Variants in PCDHGA9 observed in about 807,000 individuals in gnomAD.
The protein encoded by PCDHGA9 is protocadherin gamma-A9.
PCDHGA9 carries 37 observed loss-of-function variants against 62.5 expected under a neutral mutation model. That is an observed-to-expected ratio of 0.59 (90% CI 0.46 to 0.78). The LOEUF is 0.78. PCDHGA9 is among the 30% of genes least tolerant of loss of function. The pLI, the probability that PCDHGA9 is intolerant of heterozygous loss-of-function variation, is 0.00. For synonymous variants in PCDHGA9, 459 were observed against 484.6 expected, an observed-to-expected ratio of 0.95 and a Z score of 0.69; for missense variants, 1,138 against 1,166.2, an observed-to-expected ratio of 0.98 and a Z score of 0.35.
At chr5:141,420,190 A>T in intron 1 of PCDHGA9, 3 of 1,613,922 alleles carry the variant, frequency 1.9e-6, no homozygotes, top group Non-Finnish European at 2.5e-6. Flanking sequence ...GTCCAGCCAC[A>T]CAAGATAACC....
At chr5:141,443,321 A>AC (rs1175439570) in intron 1 of PCDHGA9, among the ~76,000 whole-genome samples, 1 of 151,616 alleles carries the variant, frequency 6.6e-6, no homozygotes, top group African/African-American at 2.4e-5. Flanking sequence ...TCTCTACAAA[A>AC]AAAAAAAACA....
rs888836155 is a variant in PCDHGA9, at chr5:141,512,011, A to C, written c.*838A>C. The C allele has an allele frequency of 1.3e-5, 2 of 152,946 alleles. No homozygotes were observed. The highest frequency in any genetic ancestry group is 6.5e-5 in the Admixed American group (1 of 15,300). The allele number at this position is 152,946 out of a possible 1,614,324, so 9.5% of individuals were successfully genotyped here. ...GGCATGGACAAAGCTTGACACATCA[A>C]GTTATCAAGGCCTTGGAGGAGGCTC... On this transcript the variant is annotated 3_prime_UTR_variant, in exon 4 of 4. Coordinates refer to ENST00000573521, the MANE Select transcript of PCDHGA9 (RefSeq NM_018921.3).
At chr5:141,420,211 T>C (rs759486952) in intron 1 of PCDHGA9, 11 of 1,612,388 alleles carry the variant, frequency 6.8e-6, no homozygotes, top group African/African-American at 1.3e-5. Context: ...TCAACAAAGA[T>C]AGCATGCTAC....
rs776004958 is a variant in PCDHGA9 at position 141,410,344 on chromosome 5, C to T, written c.2424+4968C>T. 6 of 1,614,006 alleles carry T rather than the reference C, an allele frequency of 3.7e-6. No individual in the cohort carries two copies. In the South Asian group the frequency reaches 6.6e-5, roughly 18 times the overall value. On this transcript the variant is annotated intron_variant, in intron 1 of 3. Transcript: ENST00000573521. ...CCGTGATTCTGGCCATTGCCTTGCG[C>T]CTGCGACGCTCTCTCAGCCCTGCTA...
intron 1 of PCDHGA9, chr5:141,478,233 T>G: frequency 6.2e-7 from 1 of 1,614,126 alleles, no homozygotes. Context: ...GTGGGGTTTG[T>G]GGTCACAGTG....
Position 141,490,252 on chromosome 5 carries a change from G to A in PCDHGA9, c.2425-4555G>A, listed in dbSNP as rs150107963. The A allele has an allele frequency of 1.9e-6, 3 of 1,614,252 alleles. No homozygotes were observed. Among genetic ancestry groups the A allele is most frequent in the Non-Finnish European group, 1.7e-6 (2 of 1,180,046 alleles). The stretch of plus-strand genomic sequence containing the variant: ...CATGGAGGGCCACTGTGTGATTCAA[G>A]TGGATGTGGGGGATGTCAATGACAA... On this transcript the variant is annotated intron_variant, in intron 1 of 3. Coordinates refer to ENST00000573521, the MANE Select transcript of PCDHGA9 (RefSeq NM_018921.3). This position sits in a 1 kb window ranked among gnomAD's most constrained non-coding sequence, Gnocchi z 5.4.
At chr5:141,458,094 A>G (rs1036190372) in intron 1 of PCDHGA9, among the ~76,000 whole-genome samples, 3 of 152,260 alleles carry the variant, frequency 2.0e-5, no homozygotes, top group African/African-American at 7.2e-5. Context: ...AGTTAAGAGT[A>G]CTTACAGATA....
intron 3 of PCDHGA9, 126 bp downstream of exon 3, chr5:141,505,607 T>A: frequency 6.5e-7 from 1 of 1,528,684 alleles, no homozygotes. Flanking sequence ...TCGGCAGGTC[T>A]GAAAGGACCC....
At position 141,432,247 on chromosome 5, in the gene PCDHGA9, C is replaced by G. The variant is rs139910620; in HGVS notation, c.2424+26871C>G. 61 of 1,614,264 alleles carry G rather than the reference C, an allele frequency of 3.8e-5. No homozygotes were observed. The African/African-American group carries it at 6.3e-4, about 17-fold the overall frequency. On this transcript the variant is annotated intron_variant, in intron 1 of 3. Transcript: ENST00000573521. The surrounding 1 kb of genome is among the most constrained non-coding windows in gnomAD (Gnocchi z 6.0). ...CTTATTCCCTGGCTGAGAACACCAT[C>G]CAAGGGGCAAGCCTATCGTCCTACG...
chr5:141,421,443 GAC>G (rs771422215), intron 1 of PCDHGA9: 47 of 1,613,988 alleles, frequency 2.9e-5, no homozygotes, highest in Non-Finnish European at 3.6e-5. Context: ...CCAGAGGGAA[GAC>G]ACAGCTTTTC....
chr5:141,403,303 C>A lies in PCDHGA9; in HGVS notation c.351C>A (p.Tyr117Ter). Residue 117 changes from tyrosine to a stop codon, truncating the protein, a stop_gained, in exon 1 of 4, where the codon TAC (tyrosine) becomes TAA (stop). Transcript: ENST00000573521. LOFTEE classifies it high-confidence loss of function. Reference protein sequence around the residue: ...KVLVEDRVKLYGIEIEVTDIN... With the variant: ...KVLVEDRVKL ...TGGTTGAAGACAGAGTGAAACTGTA[C>A]GGAATAGAAATAGAAGTAACTGATA... 6.2e-7 allele frequency: 1 copy of A among 1,613,820 alleles called. No homozygotes were observed. The highest frequency in any genetic ancestry group is 1.3e-5 in the African/African-American group (1 of 75,050).
Position 141,489,245 on chromosome 5 carries a change from G to A in PCDHGA9, c.2425-5562G>A, listed in dbSNP as rs773391205. 3 of 1,536,634 alleles carry A rather than the reference G, an allele frequency of 2.0e-6. No homozygotes were observed. The South Asian group carries it at 3.9e-5, about 20-fold the overall frequency. On this transcript the variant is annotated intron_variant, in intron 1 of 3. Transcript: ENST00000573521. The surrounding 1 kb of genome is among the most constrained non-coding windows in gnomAD (Gnocchi z 4.5). The stretch of plus-strand genomic sequence containing the variant: ...CCACAAAGGGACTTCTGGGTCATGG[G>A]GCCCAAGACACTCCCACAGCTCGCT...
chr5:141,507,397 AC>A (rs1163501030), intron 3 of PCDHGA9: 1 of 152,144 alleles, frequency 6.6e-6, no homozygotes. Flanking sequence ...TGGCAACTCT[AC>A]CCCAGATGTC....
At chr5:141,500,729 C>T (rs1434863449) in intron 2 of PCDHGA9, among the ~76,000 whole-genome samples, 2 of 152,130 alleles carry the variant, frequency 1.3e-5, no homozygotes, top group Non-Finnish European at 2.9e-5. Flanking sequence ...CCATGTCTTT[C>T]AAAATTCTTC....
In PCDHGA9 at chr5:141,491,715, G is replaced by A. The variant is rs1333909488; in HGVS notation, c.2425-3092G>A. 1 of 1,607,782 alleles carries A rather than the reference G, an allele frequency of 6.2e-7. No individual in the cohort carries two copies. Among genetic ancestry groups the A allele is most frequent in the Admixed American group, 1.7e-5 (1 of 58,966 alleles). On this transcript the variant is annotated intron_variant, in intron 1 of 3. Transcript: ENST00000573521. This position sits in a 1 kb window ranked among gnomAD's most constrained non-coding sequence, Gnocchi z 6.9. ...AGCGGAGCCAGGTGAGGGGCTCGGC[G>A]CCGCCCCGGGCGACCCCTGGGGGCG...
chr5:141,459,993 G>T (rs1320315247), intron 1 of PCDHGA9, among the ~76,000 whole-genome samples: 1 of 152,164 alleles, frequency 6.6e-6, no homozygotes, highest in African/African-American at 2.4e-5. Context: ...CAGGAGAATC[G>T]CTTGAACCCA....
intron 2 of PCDHGA9, among the ~76,000 whole-genome samples, chr5:141,501,333 A>ACACACC (rs1186649373): frequency 1.5e-4 from 21 of 140,134 alleles, no homozygotes; most frequent in African/African-American, 3.4e-4. Flanking sequence ...ACACACACAC[A>ACACACC]CCCCAAACTC....
chr5:141,467,554 T>A (rs2099145880), intron 1 of PCDHGA9, among the ~76,000 whole-genome samples: 1 of 152,238 alleles, frequency 6.6e-6, no homozygotes. Flanking sequence ...TATATCTTTT[T>A]TCCCAAATGG....
At position 141,404,580 on chromosome 5, in the gene PCDHGA9, G is replaced by C. The variant is rs769739876; in HGVS notation, c.1628G>C (p.Ser543Thr). 1.2e-6 allele frequency: 2 copies of C among 1,613,866 alleles called. No homozygotes were observed. The highest frequency in any genetic ancestry group is 1.7e-6 in the Non-Finnish European group (2 of 1,179,876). ...TASDSGSPPL[S>T]SNVSLRLFVL... ...AGTGACAGTGGAAGCCCACCACTTA[G>C]CAGCAATGTGTCATTGAGACTGTTT... Residue 543 changes from serine to threonine, a missense_variant, in exon 1 of 4, where the codon AGC (serine) becomes ACC (threonine). Ser to Thr is a moderately conservative substitution (Grantham distance 58). Transcript: ENST00000573521.
Sources: allele counts gnomAD v4.1 joint callset (sites outside exome capture counted in the v4.1 genomes callset), GRCh38; gene constraint gnomAD v4.1.1; non-coding constraint Gnocchi (gnomAD v3.1); transcripts MANE v1.5; gene names NCBI Gene and HGNC (gene_info 2026-07-23, HGNC 2026-07-21).